Variants in RGS5 observed in about 807,000 individuals in gnomAD.
RGS5 encodes the protein regulator of G-protein signalling 5.
A neutral mutation model predicts 18.9 loss-of-function variants in RGS5; 20 were observed. The ratio of observed to expected loss-of-function variants is 1.06; its 90% CI spans 0.74 to 1.54. RGS5 has a LOEUF of 1.54. Ranked by LOEUF, RGS5 falls within the 40% of genes most tolerant of loss-of-function variation. The pLI is 0.00. For synonymous variants in RGS5, 57 were observed against 76.2 expected (o/e 0.75, Z 1.31); for missense variants, 201 against 211.8 (o/e 0.95, Z 0.32).
chr1:163,286,843 G>A, intron 2 of RGS5, among the ~76,000 whole-genome samples: 1 of 152,070 alleles, frequency 6.6e-6, no homozygotes, highest in South Asian at 2.1e-4. Context: ...TCCTTTGAGA[G>A]GGGATAATGT....
chr1:163,237,975 A>C (rs1647674793), intron 2 of RGS5: 1 of 154,416 alleles, frequency 6.5e-6, no homozygotes, highest in Non-Finnish European at 1.5e-5. Context: ...AAAGATGCTG[A>C]ACACAGGGCT....
At chr1:163,313,087 T>C (rs1348570798) in intron 1 of RGS5, among the ~76,000 whole-genome samples, 1 of 152,204 alleles carries the variant, frequency 6.6e-6, no homozygotes, top group Non-Finnish European at 1.5e-5. Flanking sequence ...TGAGCTGTGG[T>C]AAGGGGATAA....
intron 4 of RGS5, among the ~76,000 whole-genome samples, chr1:163,147,918 C>CTTTTTTTTTTTTTTTT (rs534448527): frequency 2.2e-4 from 17 of 78,092 alleles, no homozygotes; most frequent in East Asian, 7.8e-4. Context: ...TTTTCTTTTT[C>CTTTTTTTTTTTTTTTT]TTTTTTTTTT....
intron 2 of RGS5, among the ~76,000 whole-genome samples, chr1:163,224,558 A>G (rs181385569): frequency 2.0e-5 from 3 of 152,266 alleles, no homozygotes; most frequent in South Asian, 2.1e-4. Flanking sequence ...TTTCCTTTGG[A>G]TATATACCCA....
chr1:163,226,065 C>T lies in RGS5; in HGVS notation c.-280-57697G>A, dbSNP rs571534038. 5.9e-5 allele frequency among the ~76,000 whole-genome samples: 9 copies of T among 152,122 alleles called. No individual in the cohort carries two copies. In the South Asian group the frequency reaches 6.2e-4, roughly 11 times the overall value. ...CCTCCCGAGTAGCTGGAATTACAGG[C>T]GTGAGCCACTATGCCCAGCTAATTT... On this transcript the variant is annotated intron_variant, in intron 2 of 5. Coordinates refer to the RGS5 transcript ENST00000618415.
intron 2 of RGS5, chr1:163,267,192 A>C (rs769436758): frequency 6.6e-6 from 1 of 152,000 alleles, no homozygotes; most frequent in Non-Finnish European, 1.5e-5. Context: ...TGTTCTTCTA[A>C]ATGGAGATGC....
rs1461505734 is a variant in RGS5, at chr1:163,146,101, C to A, written c.*1241G>T. On this transcript the variant is annotated 3_prime_UTR_variant, in exon 5 of 5. Coordinates refer to ENST00000313961, the MANE Select transcript of RGS5 (RefSeq NM_003617.4). ...GAAATACAGAATTAAAAGTTTAAAC[C>A]TACCAAAAGTCCTATGGCCTATTAT... 1 of 152,074 alleles carries A rather than the reference C, an allele frequency of 6.6e-6. No individual in the cohort carries two copies. Among genetic ancestry groups the A allele is most frequent in the Non-Finnish European group, 1.5e-5 (1 of 68,016 alleles). 9.4% of individuals were successfully genotyped at this position (152,074 alleles called of 1,614,324 possible).
intron 2 of RGS5, chr1:163,304,881 C>T (rs372515052): frequency 6.6e-6 from 1 of 152,148 alleles, no homozygotes; most frequent in Non-Finnish European, 1.5e-5. Context: ...TGTAGCATTT[C>T]AGTAATAGCA....
chr1:163,311,915 T>G (rs997397260), intron 1 of RGS5, among the ~76,000 whole-genome samples: 3 of 152,242 alleles, frequency 2.0e-5, no homozygotes, highest in Non-Finnish European at 4.4e-5. Context: ...TTGTCAAAAA[T>G]GCAGTATCTG....
chr1:163,155,000 G>T (rs538915457), intron 3 of RGS5, among the ~76,000 whole-genome samples: 1 of 151,846 alleles, frequency 6.6e-6, no homozygotes, highest in Non-Finnish European at 1.5e-5. Context: ...TATGTCCATT[G>T]TTTCTTAAAC....
chr1:163,199,573 T>C (rs1308684336), intron 1 of RGS5, among the ~76,000 whole-genome samples: 1 of 152,148 alleles, frequency 6.6e-6, no homozygotes, highest in Non-Finnish European at 1.5e-5. Flanking sequence ...CTTTTTGTTG[T>C]TTAAAAAAAA....
At chr1:163,191,895 C>CAAATA (rs975576420) in intron 1 of RGS5, among the ~76,000 whole-genome samples, 2 of 152,104 alleles carry the variant, frequency 1.3e-5, no homozygotes, top group Non-Finnish European at 2.9e-5. Context: ...AGTTAATAAT[C>CAAATA]AAATATACTA....
At chr1:163,152,482 C>T in intron 4 of RGS5, 68 bp downstream of exon 4, 1 of 1,493,316 alleles carries the variant, frequency 6.7e-7, no homozygotes, top group Non-Finnish European at 9.0e-7. Context: ...AGGTCTGTGT[C>T]TCAGATGTAA....
intron 2 of RGS5, among the ~76,000 whole-genome samples, chr1:163,238,293 A>G (rs1509017): frequency 0.41 from 62,869 of 152,052 alleles, 13,249 homozygotes; most frequent in Non-Finnish European, 0.44. Flanking sequence ...AAACACCTTA[A>G]AGAATTCAGT....
At position 163,152,539 on chromosome 1, in the gene RGS5, C is replaced by A. The variant is rs1657413300; in HGVS notation, c.384+11G>T. On this transcript the variant is annotated intron_variant, in intron 4 of 4. Coordinates refer to ENST00000313961, the MANE Select transcript of RGS5 (RefSeq NM_003617.4). Reference sequence around the variant, plus strand: ...GCTGCCCTTAACTGACCCACCTACCCAGAGACCAACCTCTTTAGGAGCCTC... The same window carrying A: ...GCTGCCCTTAACTGACCCACCTACCAAGAGACCAACCTCTTTAGGAGCCTC... The A allele has an allele frequency of 1.2e-6, 2 of 1,606,278 alleles. No individual in the cohort carries two copies. The highest frequency in any genetic ancestry group is 2.2e-5 in the South Asian group (2 of 89,178).
intron 2 of RGS5, among the ~76,000 whole-genome samples, chr1:163,301,402 A>G (rs966867707): frequency 1.3e-5 from 2 of 152,038 alleles, no homozygotes; most frequent in Non-Finnish European, 1.5e-5. Flanking sequence ...GCACCATCTT[A>G]GCTCACTGCA....
chr1:163,189,387 T>C (rs1311301373), intron 1 of RGS5, among the ~76,000 whole-genome samples: 3 of 152,102 alleles, frequency 2.0e-5, no homozygotes, highest in Non-Finnish European at 4.4e-5. Context: ...AAAAAGTTAT[T>C]AAGGCATTAG....
At chr1:163,152,827 T>C in intron 3 of RGS5, 111 bp from the exon 4 acceptor site, 1 of 977,672 alleles carries the variant, frequency 1.0e-6, no homozygotes, top group Non-Finnish European at 1.5e-6. Flanking sequence ...GCACAAAGTT[T>C]TAGCTCATTC....
intron 2 of RGS5, among the ~76,000 whole-genome samples, chr1:163,252,471 C>A (rs1246697075): frequency 6.6e-6 from 1 of 151,980 alleles, no homozygotes; most frequent in Admixed American, 6.6e-5. Context: ...TTGATTTGAC[C>A]AAGATTATCT....
Sources: gnomAD v4.1 joint callset for allele counts (sites outside exome capture counted in the v4.1 genomes callset) on GRCh38, gnomAD v4.1.1 for gene constraint, MANE v1.5 for transcripts, NCBI Gene and HGNC (gene_info 2026-07-23, HGNC 2026-07-21) for gene names.